The following KATNAL2 variants were observed in gnomAD, a reference collection of about 807,000 sequenced individuals.
KATNAL2 encodes the protein katanin catalytic subunit A1 like 2.
KATNAL2 carries 52 observed loss-of-function variants against 76.3 expected under a neutral mutation model. That is an observed-to-expected ratio of 0.68 (90% CI 0.55 to 0.86). KATNAL2 has a LOEUF of 0.86. KATNAL2 is among the 40% of genes least tolerant of loss of function. KATNAL2 has a pLI of 0.00. For synonymous variants in KATNAL2, 243 were observed against 244.2 expected (o/e 1.00, Z 0.05); for missense variants, 660 against 668.9 (o/e 0.99, Z 0.15).
At chr18:47,034,205 C>G in intron 3 of KATNAL2, 2 of 1,613,768 alleles carry the variant, frequency 1.2e-6, no homozygotes, top group East Asian at 2.2e-5. Flanking sequence ...TCCAAATGAG[C>G]AGTCGGTGGC....
chr18:46,919,045 C>G (rs1004206274), intron 1 of KATNAL2, among the ~76,000 whole-genome samples: 1 of 149,870 alleles, frequency 6.7e-6, no homozygotes, highest in Non-Finnish European at 1.5e-5. Flanking sequence ...TGTATATATA[C>G]ACAACACACA....
chr18:47,032,943 G>A (rs140605887), intron 3 of KATNAL2: 2 of 1,612,218 alleles, frequency 1.2e-6, no homozygotes, highest in South Asian at 1.1e-5. Context: ...TCCCCAACCC[G>A]CATTGACTTT....
chr18:46,944,710 G>A (rs1273246254), intron 1 of KATNAL2, among the ~76,000 whole-genome samples: 2 of 152,162 alleles, frequency 1.3e-5, no homozygotes, highest in Non-Finnish European at 2.9e-5. Flanking sequence ...ACTCCAGGCT[G>A]AGCAACAGAG....
intron 3 of KATNAL2, among the ~76,000 whole-genome samples, chr18:46,959,650 T>C (rs982599106): frequency 1.3e-5 from 2 of 152,214 alleles, no homozygotes; most frequent in African/African-American, 4.8e-5. Flanking sequence ...CTTCGCTCAC[T>C]GCAACCTCCG....
At chr18:47,063,257 T>A (rs749398906) in intron 9 of KATNAL2, 27 bp from the exon 10 acceptor site, 14 of 1,607,790 alleles carry the variant, frequency 8.7e-6, no homozygotes, top group Non-Finnish European at 1.2e-5. Flanking sequence ...AATATTGTAA[T>A]GTGAGCCTTT....
chr18:47,072,891 C>T (rs1667456700), intron 13 of KATNAL2, among the ~76,000 whole-genome samples: 2 of 152,108 alleles, frequency 1.3e-5, no homozygotes, highest in South Asian at 2.1e-4. Flanking sequence ...TAGTTCATTG[C>T]ATAAATGTGC....
In KATNAL2 at chr18:47,035,016, G is replaced by T. The variant is rs1298389162; in HGVS notation, c.52-11441G>T. Reference sequence around the variant, plus strand: ...CCTCAGGGTCCTGTGGGCCAGGCCGGGTGTTTCGGTCCACGAGCACCAGCT... The same window carrying T: ...CCTCAGGGTCCTGTGGGCCAGGCCGTGTGTTTCGGTCCACGAGCACCAGCT... On this transcript the variant is annotated intron_variant, in intron 3 of 17. Transcript: ENST00000683218. 2.5e-6 allele frequency: 4 copies of T among 1,611,574 alleles called. No homozygotes were observed. In the East Asian group the frequency reaches 6.7e-5, roughly 27 times the overall value.
chr18:47,033,638 C>A (rs746916831), intron 3 of KATNAL2: 2 of 1,614,202 alleles, frequency 1.2e-6, no homozygotes, highest in African/African-American at 2.7e-5. Context: ...TCGCTGAGGG[C>A]GTCCGGATTG....
chr18:46,931,139 T>TAATAATAATAAAAAA (rs1555824545), intron 1 of KATNAL2, among the ~76,000 whole-genome samples: 14 of 122,780 alleles, frequency 1.1e-4, no homozygotes, highest in East Asian at 2.6e-4. Flanking sequence ...ATAATAATAA[T>TAATAATAATAAAAAA]AAATAAATAA....
intron 3 of KATNAL2, chr18:47,033,933 G>A (rs776572731): frequency 4.3e-6 from 7 of 1,612,828 alleles, no homozygotes; most frequent in Non-Finnish European, 5.9e-6. Flanking sequence ...AATCAGCGCC[G>A]GCCGCCTGCA....
intron 1 of KATNAL2, among the ~76,000 whole-genome samples, chr18:46,927,900 G>T (rs141047066): frequency 6.6e-5 from 10 of 152,012 alleles, no homozygotes; most frequent in African/African-American, 2.2e-4. Flanking sequence ...TTCTGCATTC[G>T]TCACGTAGCT....
At chr18:47,044,303 A>G (rs1296047553) in intron 3 of KATNAL2, among the ~76,000 whole-genome samples, 1 of 152,088 alleles carries the variant, frequency 6.6e-6, no homozygotes, top group East Asian at 1.9e-4. Context: ...AAAAGTAGAG[A>G]GGTGGTTGCC....
chr18:47,031,601 C>G (rs72919285), intron 3 of KATNAL2, among the ~76,000 whole-genome samples: 9,779 of 152,144 alleles, frequency 0.064, 350 homozygotes, highest in Non-Finnish European at 0.081. Context: ...GCTACTTCTC[C>G]AGGAGAATCG....
In KATNAL2 at chr18:47,046,544, A is replaced by G. The variant is rs2061163141; in HGVS notation, c.122+17A>G. 6.8e-7 allele frequency: 1 copy of G among 1,469,668 alleles called. No individual in the cohort carries two copies. The highest frequency in any genetic ancestry group is 1.4e-5 in the African/African-American group (1 of 71,894). 91.0% of individuals were successfully genotyped at this position (1,469,668 alleles called of 1,614,324 possible). A position where few individuals can be genotyped will look rare whatever the true frequency, so the allele number is the denominator to read the frequency against. On this transcript the variant is annotated intron_variant, in intron 4 of 17. Coordinates refer to ENST00000683218, the MANE Select transcript of KATNAL2 (RefSeq NM_001387690.1). The stretch of plus-strand genomic sequence containing the variant: ...ACAAGAAGGGTATGTTACAGTACAA[A>G]CATTTATAGAGATGATTCCTCTTTC...
chr18:46,967,618 C>G (rs2060172624), intron 3 of KATNAL2, among the ~76,000 whole-genome samples: 5 of 113,920 alleles, frequency 4.4e-5, no homozygotes, highest in Admixed American at 3.2e-4. Flanking sequence ...ATTACCAGCC[C>G]GCGTGAAGCC....
At chr18:46,955,134 C>CTT (rs1427799370) in intron 3 of KATNAL2, among the ~76,000 whole-genome samples, 7 of 123,728 alleles carry the variant, frequency 5.7e-5, no homozygotes, top group Non-Finnish European at 8.3e-5. Flanking sequence ...TTCTTTCTTT[C>CTT]TCTCTCTCTT....
At position 47,077,400 on chromosome 18, in the gene KATNAL2, A is replaced by G; in HGVS notation, c.1150A>G (p.Met384Val). The G allele has an allele frequency of 6.2e-7, 1 of 1,614,038 alleles. No individual in the cohort carries two copies. The highest frequency in any genetic ancestry group is 8.5e-7 in the Non-Finnish European group (1 of 1,179,914). Reference sequence around the variant, plus strand: ...GATGAAGACAGAGTTACTGGTGCAGATGGATGGGCTGGCACGCTCAGAAGA... The same window carrying G: ...GATGAAGACAGAGTTACTGGTGCAGGTGGATGGGCTGGCACGCTCAGAAGA... ...LRMKTELLVQMDGLARSEDLV... is the reference protein window; with the variant it reads ...LRMKTELLVQVDGLARSEDLV... The change falls in exon 15 of 18, where the codon ATG becomes GTG. Residue 384 changes from methionine (M) to valine (V), a missense_variant. Coordinates refer to ENST00000683218, the MANE Select transcript of KATNAL2 (RefSeq NM_001387690.1).
chr18:47,034,863 T>C (rs761404408), intron 3 of KATNAL2: 2 of 1,612,112 alleles, frequency 1.2e-6, no homozygotes, highest in East Asian at 2.2e-5. Flanking sequence ...CCGGAGGTGT[T>C]CTGCGTGCTG....
At chr18:46,930,934 C>G (rs1217051168) in intron 1 of KATNAL2, among the ~76,000 whole-genome samples, 1 of 151,902 alleles carries the variant, frequency 6.6e-6, no homozygotes. Context: ...AACCTGGTCT[C>G]TCCTAAAAAT....
Sources: gnomAD v4.1 joint callset for allele counts (sites outside exome capture counted in the v4.1 genomes callset) on GRCh38, gnomAD v4.1.1 for gene constraint, MANE v1.5 for transcripts, NCBI Gene and HGNC (gene_info 2026-07-23, HGNC 2026-07-21) for gene names.